The following ABCC1 variants were observed in gnomAD, a reference collection of about 807,000 sequenced individuals.
The protein encoded by ABCC1 is ATP binding cassette subfamily C member 1 (ABCC1 blood group), also known as multidrug resistance-associated protein 1.
In ABCC1, 83 loss-of-function variants were observed where a neutral mutation model predicts 172.9. That is an observed-to-expected ratio of 0.48 (90% CI 0.40 to 0.58). ABCC1 has a LOEUF of 0.58. ABCC1 is among the 20% of genes least tolerant of loss of function. The probability of loss-of-function intolerance (pLI) is 0.00; values close to 1 mark genes in which losing one functional copy is unlikely to be tolerated. For synonymous variants in ABCC1, 937 were observed against 825.2 expected (o/e 1.14, Z -2.32); for missense variants, 1,817 against 2,002.7 (o/e 0.91, Z 1.77).
chr16:16,111,987 T>A (rs1012663747), intron 22 of ABCC1, among the ~76,000 whole-genome samples: 3 of 152,144 alleles, frequency 2.0e-5, no homozygotes, highest in African/African-American at 7.2e-5. Context: ...TAATTCCCAA[T>A]TATGGGCAGT....
intron 24 of ABCC1, among the ~76,000 whole-genome samples, chr16:16,123,734 A>G (rs1353267281): frequency 6.6e-6 from 1 of 152,208 alleles, no homozygotes; most frequent in African/African-American, 2.4e-5. Context: ...TAAGATGACC[A>G]GGCACATTGG....
At chr16:15,958,107 T>C (rs147705495) in intron 1 of ABCC1, among the ~76,000 whole-genome samples, 137 of 152,238 alleles carry the variant, frequency 9.0e-4, no homozygotes, top group African/African-American at 2.9e-3. Flanking sequence ...CTTTGTTTTA[T>C]TTTATATTAT....
intron 29 of ABCC1, among the ~76,000 whole-genome samples, chr16:16,137,525 G>C (rs1335049078): frequency 1.4e-5 from 2 of 147,916 alleles, no homozygotes; most frequent in Admixed American, 6.8e-5. Flanking sequence ...AGTTGGATAA[G>C]GGATGCATGG....
Position 16,090,606 on chromosome 16 carries a change from G to C in ABCC1, c.2644+18G>C, listed in dbSNP as rs752624905. On this transcript the variant is annotated intron_variant, in intron 19 of 30. Coordinates refer to ENST00000399410, the MANE Select transcript of ABCC1 (RefSeq NM_004996.4). ...GGAGAACGGTAGGGGCAGCCCCAGG[G>C]TTCCACCCACTCAGGGTGTCTGGCA... 4.5e-6 allele frequency: 7 copies of C among 1,554,674 alleles called. No homozygotes were observed. Among genetic ancestry groups the C allele is most frequent in the Non-Finnish European group, 6.1e-6 (7 of 1,144,680 alleles).
At chr16:16,039,871 C>T (rs1218388163) in intron 7 of ABCC1, among the ~76,000 whole-genome samples, 1 of 151,960 alleles carries the variant, frequency 6.6e-6, no homozygotes, top group Non-Finnish European at 1.5e-5. Context: ...TGAGGACACT[C>T]GTGGTGCATC....
chr16:16,076,418 A>G lies in ABCC1; in HGVS notation c.1988+17A>G. The stretch of plus-strand genomic sequence containing the variant: ...ACTGAATGGGTAAGCCGGGACGTGG[A>G]CACACGTGATGGTGTGGAGAGAGCC... On this transcript the variant is annotated intron_variant, in intron 15 of 30. Transcript: ENST00000399410. 6.3e-7 allele frequency: 1 copy of G among 1,596,694 alleles called. No individual in the cohort carries two copies. Among genetic ancestry groups the G allele is most frequent in the South Asian group, 1.1e-5 (1 of 88,338 alleles).
intron 5 of ABCC1, among the ~76,000 whole-genome samples, chr16:16,025,894 T>A (rs2048352481): frequency 1.3e-5 from 2 of 152,202 alleles, no homozygotes; most frequent in Non-Finnish European, 2.9e-5. Flanking sequence ...GCTTTCATGC[T>A]ATCTGGGACA....
rs71137905 is a variant in ABCC1 at position 16,039,239 on chromosome 16, ATGTGTGTGTG to A, written c.809+2650_809+2659del. On this transcript the variant is annotated intron_variant, in intron 7 of 30. Coordinates refer to ENST00000399410, the MANE Select transcript of ABCC1 (RefSeq NM_004996.4). ...TGTGTGTGTGTGTGTGTGTGTATGT[ATGTGTGTGTG>A]TGTGTGTGTGTGTTTTCTTTTTTTT... Among the ~76,000 whole-genome samples the A allele has an allele frequency of 5.0e-5, 6 of 119,596 alleles. 1 individual carries two copies. In the South Asian group the frequency reaches 1.1e-3, roughly 22 times the overall value. The allele number at this position is 119,596 out of a possible 152,430, so 78.5% of individuals were successfully genotyped here.
chr16:16,073,571 TG>T (rs1481069890), intron 14 of ABCC1, among the ~76,000 whole-genome samples: 1 of 152,100 alleles, frequency 6.6e-6, no homozygotes, highest in Non-Finnish European at 1.5e-5. Context: ...GAGACCACCT[TG>T]GGTAATGTAG....
chr16:15,998,045 C>G (rs2047119553), intron 1 of ABCC1, among the ~76,000 whole-genome samples: 1 of 151,624 alleles, frequency 6.6e-6, no homozygotes, highest in Non-Finnish European at 1.5e-5. Flanking sequence ...TGGTCTTGAA[C>G]TCCTGGCCTC....
At chr16:16,027,100 C>T (rs902196850) in intron 5 of ABCC1, among the ~76,000 whole-genome samples, 1 of 152,068 alleles carries the variant, frequency 6.6e-6, no homozygotes, top group Admixed American at 6.6e-5. Flanking sequence ...CTGTCTCTAT[C>T]CTGCGTGTTG....
chr16:16,014,382 G>A, intron 3 of ABCC1, 109 bp from the exon 4 acceptor site: 2 of 1,305,424 alleles, frequency 1.5e-6, no homozygotes, highest in South Asian at 1.6e-5. Context: ...GGAGGCGGAG[G>A]TTGCAAGTGA....
chr16:16,130,798 T>A (rs868302764), intron 26 of ABCC1, among the ~76,000 whole-genome samples: 3 of 152,214 alleles, frequency 2.0e-5, no homozygotes, highest in Non-Finnish European at 4.4e-5. Context: ...AGAAAAACTT[T>A]TTAAAAGTTT....
chr16:16,001,073 G>A (rs2047290075), intron 1 of ABCC1, among the ~76,000 whole-genome samples: 1 of 152,204 alleles, frequency 6.6e-6, no homozygotes, highest in East Asian at 1.9e-4. Flanking sequence ...CTGACAACAA[G>A]CTTGGTAAAT....
intron 13 of ABCC1, among the ~76,000 whole-genome samples, chr16:16,070,560 T>G (rs995635203): frequency 4.6e-5 from 7 of 150,782 alleles, no homozygotes; most frequent in Non-Finnish European, 1.0e-4. Context: ...AGCTACTCGG[T>G]TGGCTGAGGC....
intron 1 of ABCC1, among the ~76,000 whole-genome samples, chr16:15,950,314 C>G (rs2045839537): frequency 6.6e-6 from 1 of 152,058 alleles, no homozygotes. Flanking sequence ...AGCCACATTA[C>G]TCTTCTGTGG....
chr16:16,126,452 C>T (rs971596166), intron 26 of ABCC1, among the ~76,000 whole-genome samples: 5 of 152,128 alleles, frequency 3.3e-5, no homozygotes, highest in South Asian at 2.1e-4. Flanking sequence ...GGCACAATCT[C>T]GGCTCACTGC....
Position 16,077,884 on chromosome 16 carries a change from A to C in ABCC1, c.1989-1468A>C, listed in dbSNP as rs149645526. 9.7e-4 allele frequency among the ~76,000 whole-genome samples: 147 copies of C among 152,190 alleles called. 1 individual carries two copies. Among genetic ancestry groups the C allele is most frequent in the African/African-American group, 3.3e-3 (135 of 41,524 alleles). The stretch of plus-strand genomic sequence containing the variant: ...CTAAAAATAAAAAAACTAGCTGGGC[A>C]TGGTGGTGCATGCCTGTAATCCCAG... On this transcript the variant is annotated intron_variant, in intron 15 of 30. Transcript: ENST00000399410.
chr16:16,025,576 G>C (rs2048341852), intron 5 of ABCC1, among the ~76,000 whole-genome samples: 1 of 152,210 alleles, frequency 6.6e-6, no homozygotes, highest in Non-Finnish European at 1.5e-5. Flanking sequence ...GTAACCAGCA[G>C]AAAACCCGTT....
Sources: allele counts gnomAD v4.1 joint callset (sites outside exome capture counted in the v4.1 genomes callset), GRCh38; gene constraint gnomAD v4.1.1; transcripts MANE v1.5; gene names NCBI Gene and HGNC (gene_info 2026-07-23, HGNC 2026-07-21).